The following RSPH1 variants were observed in gnomAD, a reference collection of about 807,000 sequenced individuals.
RSPH1 encodes radial spoke head component 1.
Under a neutral mutation model 44.2 loss-of-function variants are expected in RSPH1, and 32 were observed. The ratio of observed to expected loss-of-function variants is 0.72; its 90% CI spans 0.55 to 0.97. The LOEUF (loss-of-function observed/expected upper bound fraction) is 0.97. Ranked by LOEUF, RSPH1 falls within the 50% of genes least tolerant of loss-of-function variation. The pLI is 0.00. For synonymous variants in RSPH1, 134 were observed against 147.3 expected, an observed-to-expected ratio of 0.91 and a Z score of 0.65; for missense variants, 391 against 398.7, an observed-to-expected ratio of 0.98 and a Z score of 0.16.
chr21:42,477,945 A>C (rs2054086147), intron 6 of RSPH1, among the ~76,000 whole-genome samples: 1 of 152,214 alleles, frequency 6.6e-6, no homozygotes, highest in South Asian at 2.1e-4. Flanking sequence ...CATTTGTTTT[A>C]GGCTTAGGCC....
intron 6 of RSPH1, among the ~76,000 whole-genome samples, chr21:42,480,841 C>T (rs2054120700): frequency 6.6e-6 from 1 of 152,114 alleles, no homozygotes. Flanking sequence ...CCGCAGCCTT[C>T]CAAGCTCCCC....
In RSPH1 at chr21:42,495,142, A is replaced by G. The variant is rs546776510; in HGVS notation, c.54+991T>C. 3.9e-5 allele frequency among the ~76,000 whole-genome samples: 6 copies of G among 152,348 alleles called. No individual in the cohort carries two copies. In the East Asian group the frequency reaches 9.6e-4, roughly 24 times the overall value. ...TCCAACAGGGACTCTGGGGGCATCA[A>G]TCGCACTGCAGACTTTGTCCTGCTT... On this transcript the variant is annotated intron_variant, in intron 1 of 8. Transcript: ENST00000291536.
At chr21:42,476,107 G>C (rs1054582260) in intron 7 of RSPH1, 60 bp from the exon 8 acceptor site, 13 of 1,566,548 alleles carry the variant, frequency 8.3e-6, no homozygotes, top group African/African-American at 1.4e-5. Flanking sequence ...CTGCAGACCT[G>C]TGCAGGGCAG....
At chr21:42,495,236 G>C (rs2054276016) in intron 1 of RSPH1, among the ~76,000 whole-genome samples, 2 of 152,240 alleles carry the variant, frequency 1.3e-5, no homozygotes. Context: ...ATACTGGGCA[G>C]GTAGTTCCAG....
chr21:42,490,335 T>C (rs2054224606), intron 3 of RSPH1, among the ~76,000 whole-genome samples: 1 of 152,206 alleles, frequency 6.6e-6, no homozygotes, highest in Admixed American at 6.5e-5. Context: ...CACACTGCCC[T>C]GCACAAAACC....
At chr21:42,493,696 G>A (rs758706802) in intron 1 of RSPH1, among the ~76,000 whole-genome samples, 220 of 152,328 alleles carry the variant, frequency 1.4e-3, no homozygotes, top group Non-Finnish European at 2.6e-3. Context: ...CCTAGCAAGA[G>A]ACTTAAGGTT....
chr21:42,488,840 C>T (rs2054206307), intron 3 of RSPH1, among the ~76,000 whole-genome samples: 2 of 152,154 alleles, frequency 1.3e-5, no homozygotes, highest in Admixed American at 6.5e-5. Context: ...AGGTGAGTGA[C>T]ATTTGTAAAC....
At chr21:42,477,027 G>C (rs1429812116) in intron 7 of RSPH1, among the ~76,000 whole-genome samples, 1 of 33,742 alleles carries the variant, frequency 3.0e-5, no homozygotes, top group Non-Finnish European at 7.0e-5. Flanking sequence ...CACACCCTCT[G>C]TCCCACAGCC....
Position 42,486,448 on chromosome 21 carries a change from A to C in RSPH1, c.288T>G (p.Asn96Lys). 6.2e-7 allele frequency: 1 copy of C among 1,613,786 alleles called. No homozygotes were observed. The highest frequency in any genetic ancestry group is 1.3e-5 in the African/African-American group (1 of 75,054). Residue 96 changes from asparagine to lysine, a missense_variant, in exon 4 of 9, where the codon AAT (asparagine) becomes AAG (lysine). Coordinates refer to ENST00000291536, the MANE Select transcript of RSPH1 (RefSeq NM_080860.4). Reference protein sequence around the residue: ...DGSRYEGEWANDLRHGHGVYY... With the variant: ...DGSRYEGEWAKDLRHGHGVYY... ...ATACGCCATGGCCGTGCCGCAGGTC[A>C]TTTGCCCACTCTCCTGAAAGGAACA...
chr21:42,479,589 A>G (rs2054104846), intron 6 of RSPH1, among the ~76,000 whole-genome samples: 1 of 152,186 alleles, frequency 6.6e-6, no homozygotes, highest in Admixed American at 6.5e-5. Context: ...CAATTTAACC[A>G]ATAGGTTCCT....
chr21:42,480,640 CAAAAAAAAA>C (rs780506820), intron 6 of RSPH1, among the ~76,000 whole-genome samples: 1 of 38,744 alleles, frequency 2.6e-5, no homozygotes, highest in Admixed American at 3.3e-4. Context: ...AACTCCATCT[CAAAAAAAAA>C]AAAAAAAAAA....
Position 42,474,110 on chromosome 21 carries a change from C to T in RSPH1, c.878-1240G>A, listed in dbSNP as rs538060939. Among the ~76,000 whole-genome samples the T allele has an allele frequency of 2.0e-5, 3 of 152,182 alleles. No individual in the cohort carries two copies. The East Asian group carries it at 5.8e-4, about 29-fold the overall frequency. On this transcript the variant is annotated intron_variant, in intron 8 of 8. Coordinates refer to ENST00000291536, the MANE Select transcript of RSPH1 (RefSeq NM_080860.4). The surrounding 1 kb of genome is among the most constrained non-coding windows in gnomAD (Gnocchi z 5.2). The stretch of plus-strand genomic sequence containing the variant: ...CCTCCTGCCTTGCCTGGCTCCAGGG[C>T]ACCCATCCTCATTGCCCCAGAGAAG...
chr21:42,486,133 T>C, intron 4 of RSPH1: 1 of 572,684 alleles, frequency 1.7e-6, no homozygotes, highest in South Asian at 2.1e-5. Flanking sequence ...CCTGGGACTC[T>C]TGGGTGAAAG....
At chr21:42,494,625 A>T (rs2054268608) in intron 1 of RSPH1, among the ~76,000 whole-genome samples, 1 of 152,158 alleles carries the variant, frequency 6.6e-6, no homozygotes, top group Non-Finnish European at 1.5e-5. Flanking sequence ...CAGTGGGGCC[A>T]TTTGAGGAGA....
chr21:42,477,043 G>T (rs375715603), intron 7 of RSPH1, among the ~76,000 whole-genome samples: 1 of 44,682 alleles, frequency 2.2e-5, no homozygotes, highest in Non-Finnish European at 4.7e-5. Flanking sequence ...CAGCCCGGGG[G>T]TGCCCCACAC....
Position 42,477,111 on chromosome 21 carries a change from T to C in RSPH1, c.727+180A>G, listed in dbSNP as rs375951502. On this transcript the variant is annotated intron_variant, in intron 7 of 8. Transcript: ENST00000291536. ...GCCCCACACCCTCTGCCCCCTCCAC[T>C]CCACAGCCCGGGGATGCCCCACACC... 0.056 allele frequency among the ~76,000 whole-genome samples: 951 copies of C among 16,910 alleles called. 42 individuals carry two copies. The highest frequency in any genetic ancestry group is 0.073 in the African/African-American group (363 of 4,990). 11.1% of individuals were successfully genotyped at this position (16,910 alleles called of 152,430 possible).
chr21:42,484,028 T>A (rs985122568), intron 5 of RSPH1, among the ~76,000 whole-genome samples: 1 of 152,186 alleles, frequency 6.6e-6, no homozygotes, highest in Non-Finnish European at 1.5e-5. Flanking sequence ...CACACTGTTT[T>A]AATTATTGAA....
intron 6 of RSPH1, among the ~76,000 whole-genome samples, chr21:42,480,368 G>A (rs7280255): frequency 0.081 from 12,352 of 152,162 alleles, 601 homozygotes; most frequent in Middle Eastern, 0.12. Context: ...AGGGCTGGGC[G>A]CAGTGGCTTA....
At chr21:42,476,072 C>T (rs749652294) in intron 7 of RSPH1, 25 bp from the exon 8 acceptor site, 7 of 1,613,096 alleles carry the variant, frequency 4.3e-6, no homozygotes, top group Non-Finnish European at 5.1e-6. Flanking sequence ...AAGTCAGAAG[C>T]CTGAGTTCCT....
Sources: gnomAD v4.1 joint callset for allele counts (sites outside exome capture counted in the v4.1 genomes callset) on GRCh38, gnomAD v4.1.1 for gene constraint, Gnocchi (gnomAD v3.1) non-coding constraint, MANE v1.5 for transcripts, NCBI Gene and HGNC (gene_info 2026-07-23, HGNC 2026-07-21) for gene names.